CREB5: variants seen among roughly 807,000 people sequenced by gnomAD.
CREB5 encodes cAMP responsive element binding protein 5.
A neutral mutation model predicts 57.1 loss-of-function variants in CREB5; 19 were observed. The ratio of observed to expected loss-of-function variants is 0.33; its 90% CI spans 0.23 to 0.49. The LOEUF is 0.49. CREB5 is among the 20% of genes least tolerant of loss of function. CREB5 has a pLI of 0.99. For missense variants in CREB5, 579 were observed against 671.6 expected, an observed-to-expected ratio of 0.86 and a Z score of 1.52; for synonymous variants, 238 against 238.3, an observed-to-expected ratio of 1.00 and a Z score of 0.01.
chr7:28,386,524 C>T (rs936854748), intron 1 of CREB5, among the ~76,000 whole-genome samples: 4 of 152,142 alleles, frequency 2.6e-5, no homozygotes, highest in Non-Finnish European at 5.9e-5. Flanking sequence ...ATTATTTATA[C>T]TCCTCAGGAC....
intron 1 of CREB5, among the ~76,000 whole-genome samples, chr7:28,391,484 C>A (rs1423741664): frequency 6.6e-6 from 1 of 152,226 alleles, no homozygotes; most frequent in Non-Finnish European, 1.5e-5. Flanking sequence ...AAAATGTTTT[C>A]ATGCTTTCCA....
At chr7:28,607,441 A>G (rs1797181894) in intron 5 of CREB5, among the ~76,000 whole-genome samples, 1 of 152,184 alleles carries the variant, frequency 6.6e-6, no homozygotes, top group Non-Finnish European at 1.5e-5. Flanking sequence ...GTGCAAATAC[A>G]TCTGGAGCGT....
At chr7:28,316,635 C>T (rs575602664) in intron 1 of CREB5, among the ~76,000 whole-genome samples, 1 of 152,122 alleles carries the variant, frequency 6.6e-6, no homozygotes, top group East Asian at 1.9e-4. Context: ...AGGAAGTCCC[C>T]AGTGTGTGGT....
At chr7:28,805,559 T>C (rs1215801672) in intron 8 of CREB5, among the ~76,000 whole-genome samples, 1 of 152,246 alleles carries the variant, frequency 6.6e-6, no homozygotes, top group Non-Finnish European at 1.5e-5. Flanking sequence ...TTTTGAACTC[T>C]TGAGCCCCCC....
chr7:28,560,829 C>CGTGTGTGTGTGTGCGTGTGTGTGT (rs1562797035), intron 4 of CREB5, among the ~76,000 whole-genome samples: 5 of 65,180 alleles, frequency 7.7e-5, no homozygotes, highest in South Asian at 5.8e-4. Flanking sequence ...TGTGCGCGCG[C>CGTGTGTGTGTGTGCGTGTGTGTGT]GCGCGTGTGT....
intron 7 of CREB5, among the ~76,000 whole-genome samples, chr7:28,785,440 A>G (rs924184661): frequency 1.3e-5 from 2 of 152,260 alleles, no homozygotes; most frequent in Admixed American, 6.5e-5. Flanking sequence ...TCTCCAGAGC[A>G]TAGGCTCTTC....
chr7:28,515,849 T>A (rs1490676713), intron 4 of CREB5, among the ~76,000 whole-genome samples: 2 of 142,508 alleles, frequency 1.4e-5, no homozygotes, highest in African/African-American at 5.2e-5. Context: ...TAATAATTAT[T>A]ATTGTAAAAT....
intron 9 of CREB5, among the ~76,000 whole-genome samples, chr7:28,813,585 T>C (rs142279082): frequency 5.5e-4 from 84 of 152,294 alleles, no homozygotes; most frequent in African/African-American, 1.9e-3. Flanking sequence ...GGAGGGTATA[T>C]TGTAGAGCCC....
intron 1 of CREB5, among the ~76,000 whole-genome samples, chr7:28,480,198 G>A (rs776511033): frequency 1.6e-4 from 24 of 152,180 alleles, no homozygotes; most frequent in Non-Finnish European, 2.8e-4. Flanking sequence ...TAGAGGCAGA[G>A]TAGTACCATT....
chr7:28,594,602 G>A (rs757364049), intron 5 of CREB5, among the ~76,000 whole-genome samples: 4 of 152,248 alleles, frequency 2.6e-5, no homozygotes, highest in Admixed American at 6.5e-5. Flanking sequence ...TCAACTAGAC[G>A]GTGGACACAT....
At chr7:28,491,342 T>A in intron 2 of CREB5, 1 of 681,610 alleles carries the variant, frequency 1.5e-6, no homozygotes, top group African/African-American at 1.9e-5. Context: ...GGGGTGCCAA[T>A]TCCTCTGAGA....
chr7:28,479,155 C>T (rs1239550193), intron 1 of CREB5, among the ~76,000 whole-genome samples: 1 of 152,116 alleles, frequency 6.6e-6, no homozygotes, highest in Non-Finnish European at 1.5e-5. Flanking sequence ...CTGCCTTTTA[C>T]CCTAAACTGG....
chr7:28,447,266 T>C (rs1358688871), intron 1 of CREB5, among the ~76,000 whole-genome samples: 1 of 152,252 alleles, frequency 6.6e-6, no homozygotes, highest in East Asian at 1.9e-4. Flanking sequence ...TAGTTCTTTT[T>C]CATAAGCTTT....
chr7:28,609,845 G>T (rs1424009071), intron 5 of CREB5, among the ~76,000 whole-genome samples: 1 of 152,236 alleles, frequency 6.6e-6, no homozygotes, highest in Non-Finnish European at 1.5e-5. Context: ...TAGAGAGGTG[G>T]ACACATGGGG....
chr7:28,720,726 A>T (rs1396337134), intron 6 of CREB5, among the ~76,000 whole-genome samples: 1 of 152,192 alleles, frequency 6.6e-6, no homozygotes, highest in Non-Finnish European at 1.5e-5. Context: ...AAACAGCACC[A>T]TCAATGCAAT....
At chr7:28,759,106 G>C (rs1805504697) in intron 7 of CREB5, among the ~76,000 whole-genome samples, 1 of 152,148 alleles carries the variant, frequency 6.6e-6, no homozygotes, top group South Asian at 2.1e-4. Flanking sequence ...GTTTGTGTGT[G>C]TATACAGGTA....
chr7:28,507,702 T>TTCAGGAAGGC lies in CREB5; in HGVS notation c.265_274dup (p.Glu92GlyfsTer15). 2 of 1,609,524 alleles carry TTCAGGAAGGC rather than the reference T, an allele frequency of 1.2e-6. No homozygotes were observed. The highest frequency in any genetic ancestry group is 1.7e-6 in the Non-Finnish European group (2 of 1,176,516). ...GCTGGACTGCTCCCTGGAGCACGAG[T>TTCAGGAAGGC]TCAGGAAGGCTCAGGAAGAGGAGAG... On this transcript the variant is annotated frameshift_variant, in exon 4 of 11. Transcript: ENST00000357727. LOFTEE classifies it high-confidence loss of function.
chr7:28,779,911 C>G (rs1473034597), intron 7 of CREB5, among the ~76,000 whole-genome samples: 2 of 152,114 alleles, frequency 1.3e-5, no homozygotes, highest in African/African-American at 4.8e-5. Context: ...GATTGTTAAG[C>G]TGTGGTGTGT....
At chr7:28,725,659 A>AG (rs1562598256) in intron 7 of CREB5, among the ~76,000 whole-genome samples, 8 of 148,370 alleles carry the variant, frequency 5.4e-5, no homozygotes, top group African/African-American at 1.2e-4. Flanking sequence ...AAAAAAAAAA[A>AG]AAAGAAAGAA....
Sources: gnomAD v4.1 joint callset for allele counts (sites outside exome capture counted in the v4.1 genomes callset) on GRCh38, gnomAD v4.1.1 for gene constraint, MANE v1.5 for transcripts, NCBI Gene and HGNC (gene_info 2026-07-23, HGNC 2026-07-21) for gene names.